Variants in LHFPL1 observed in about 807,000 individuals in gnomAD.
LHFPL1 encodes LHFPL tetraspan subfamily member 1.
Under a neutral mutation model 12.1 loss-of-function variants are expected in LHFPL1, and 4 were observed. That is an observed-to-expected ratio of 0.33 (90% CI 0.16 to 0.76). The LOEUF is 0.76. Ranked by LOEUF, LHFPL1 falls within the 30% of genes least tolerant of loss-of-function variation. The pLI, the probability that LHFPL1 is intolerant of heterozygous loss-of-function variation, is 0.61. For synonymous variants in LHFPL1, 52 were observed against 61.9 expected, an observed-to-expected ratio of 0.84 and a Z score of 0.75; for missense variants, 141 against 174.1, an observed-to-expected ratio of 0.81 and a Z score of 1.07.
chrX:112,631,704 T>G (rs1380761960), intron 3 of LHFPL1, 103 bp from the exon 4 acceptor site: 2 of 563,563 alleles, frequency 3.5e-6, no homozygotes, highest in African/African-American at 4.6e-5. Flanking sequence ...TTTTTATACA[T>G]TCTCTTTGGG....
At chrX:112,672,428 C>A (rs1931535728) in intron 1 of LHFPL1, among the ~76,000 whole-genome samples, 1 of 111,415 alleles carries the variant, frequency 9.0e-6, no homozygotes, top group Non-Finnish European at 1.9e-5. Flanking sequence ...ACTTTCCTCC[C>A]AACTCCATTA....
At chrX:112,666,553 G>A (rs757295682) in intron 2 of LHFPL1, among the ~76,000 whole-genome samples, 1 of 111,806 alleles carries the variant, frequency 8.9e-6, no homozygotes, top group Non-Finnish European at 1.9e-5. Context: ...AATCATGATA[G>A]TGAATGATAA....
intron 3 of LHFPL1, among the ~76,000 whole-genome samples, chrX:112,633,128 C>G (rs1311334296): frequency 8.9e-6 from 1 of 112,075 alleles, no homozygotes; most frequent in Non-Finnish European, 1.9e-5. Flanking sequence ...CTGCCCTTTC[C>G]TCTCTTCCAG....
chrX:112,638,390 G>C (rs778316809), intron 3 of LHFPL1, among the ~76,000 whole-genome samples: 37 of 111,489 alleles, frequency 3.3e-4, no homozygotes, highest in African/African-American at 1.1e-3. Context: ...GGCTTTCACA[G>C]GCTTCCACAT....
At chrX:112,651,271 C>G (rs998881713) in intron 3 of LHFPL1, among the ~76,000 whole-genome samples, 5 of 112,119 alleles carry the variant, frequency 4.5e-5, no homozygotes, top group Non-Finnish European at 9.4e-5. Context: ...ATAATGACAG[C>G]ACCTATTTCA....
chrX:112,653,445 A>T (rs890325806), intron 3 of LHFPL1, among the ~76,000 whole-genome samples: 4 of 112,260 alleles, frequency 3.6e-5, no homozygotes, highest in African/African-American at 1.3e-4. Flanking sequence ...GGGATATAGT[A>T]AATGCTCAAA....
intron 3 of LHFPL1, among the ~76,000 whole-genome samples, chrX:112,650,619 T>G (rs1930826865): frequency 1.8e-5 from 2 of 110,841 alleles, no homozygotes; most frequent in South Asian, 7.7e-4. Context: ...TTCTTTTTTA[T>G]GTTTCTCTGG....
intron 1 of LHFPL1, among the ~76,000 whole-genome samples, chrX:112,677,143 C>T (rs1931675307): frequency 8.9e-6 from 1 of 111,809 alleles, no homozygotes; most frequent in Admixed American, 9.5e-5. Flanking sequence ...CTTCCTGTAT[C>T]ACCTCCTCCC....
intron 3 of LHFPL1, among the ~76,000 whole-genome samples, chrX:112,645,804 A>T (rs1034872181): frequency 8.9e-6 from 1 of 112,050 alleles, no homozygotes; most frequent in African/African-American, 3.2e-5. Context: ...TGAATTTTTC[A>T]TTTATTTAAT....
At chrX:112,672,382 A>G (rs1289653338) in intron 1 of LHFPL1, among the ~76,000 whole-genome samples, 2 of 110,799 alleles carry the variant, frequency 1.8e-5, no homozygotes, top group Non-Finnish European at 3.8e-5. Flanking sequence ...TCAGCTCACA[A>G]ATGGTTTTCA....
At chrX:112,660,267 A>G (rs766372045) in intron 3 of LHFPL1, among the ~76,000 whole-genome samples, 2 of 112,424 alleles carry the variant, frequency 1.8e-5, no homozygotes, top group East Asian at 5.6e-4. Flanking sequence ...GAGATTGACA[A>G]ACGATACTGT....
chrX:112,649,089 C>CTT (rs760444613), intron 3 of LHFPL1, among the ~76,000 whole-genome samples: 2 of 110,667 alleles, frequency 1.8e-5, no homozygotes, highest in Non-Finnish European at 3.8e-5. Context: ...AAGCATACTT[C>CTT]TTTTTTTTTA....
At position 112,631,328 on chromosome X, in the gene LHFPL1, T is replaced by G. The variant is rs138276583; in HGVS notation, c.*92A>C. 1.0e-3 allele frequency: 786 copies of G among 778,960 alleles called. 7 individuals carry two copies. In the African/African-American group the frequency reaches 0.015, roughly 15 times the overall value. The allele number at this position is 778,960 out of a possible 1,213,427, so 64.2% of individuals were successfully genotyped here. ...GCATGCAAACACTAGGCTATGCTAATGACAGTCAGATGACAAATGGCCTAA... is the reference window on the plus strand; with the variant it reads ...GCATGCAAACACTAGGCTATGCTAAGGACAGTCAGATGACAAATGGCCTAA... On this transcript the variant is annotated 3_prime_UTR_variant, in exon 4 of 4. Transcript: ENST00000371968.
chrX:112,675,564 T>C (rs1318487399), intron 1 of LHFPL1, among the ~76,000 whole-genome samples: 1 of 112,566 alleles, frequency 8.9e-6, no homozygotes, highest in Non-Finnish European at 1.9e-5. Context: ...GAAAAACTCA[T>C]TGTCCTTCAG....
chrX:112,639,923 AC>A (rs1930454522), intron 3 of LHFPL1, among the ~76,000 whole-genome samples: 1 of 111,720 alleles, frequency 9.0e-6, no homozygotes, highest in Admixed American at 9.5e-5. Context: ...ACGGGTTAAA[AC>A]CCATCTGACC....
chrX:112,672,398 C>T (rs1337488722), intron 1 of LHFPL1, among the ~76,000 whole-genome samples: 4 of 111,015 alleles, frequency 3.6e-5, no homozygotes, highest in African/African-American at 1.3e-4. Context: ...TTTCACAGAC[C>T]CCTCTGTCAA....
intron 3 of LHFPL1, among the ~76,000 whole-genome samples, chrX:112,635,470 G>C (rs968804715): frequency 4.5e-5 from 5 of 112,285 alleles, no homozygotes; most frequent in African/African-American, 1.6e-4. Context: ...AATTACTACA[G>C]TCCAAGTCTT....
intron 2 of LHFPL1, among the ~76,000 whole-genome samples, chrX:112,662,823 T>C (rs1216208968): frequency 8.9e-6 from 1 of 111,835 alleles, no homozygotes; most frequent in Non-Finnish European, 1.9e-5. Flanking sequence ...AGTACGCACA[T>C]TGGGTTAAGG....
intron 3 of LHFPL1, among the ~76,000 whole-genome samples, chrX:112,644,375 A>G (rs1019848426): frequency 7.2e-5 from 8 of 111,593 alleles, no homozygotes; most frequent in Non-Finnish European, 1.1e-4. Flanking sequence ...CATTTTTAAC[A>G]TATACAATAT....
Sources: gnomAD v4.1 joint callset for allele counts (sites outside exome capture counted in the v4.1 genomes callset) on GRCh38, gnomAD v4.1.1 for gene constraint, MANE v1.5 for transcripts, NCBI Gene and HGNC (gene_info 2026-07-23, HGNC 2026-07-21) for gene names.